PBX1: variants seen among roughly 807,000 people sequenced by gnomAD.
PBX1 encodes PBX homeobox 1.
Under a neutral mutation model 53.4 loss-of-function variants are expected in PBX1, and 6 were observed. That is an observed-to-expected ratio of 0.11 (90% confidence interval 0.06 to 0.22). The LOEUF is 0.22. Among genes scored for constraint, PBX1 ranks in the 10% least tolerant of loss-of-function variants. The pLI, the probability that PBX1 is intolerant of heterozygous loss-of-function variation, is 1.00. For synonymous variants in PBX1, 204 were observed against 212.3 expected, an observed-to-expected ratio of 0.96 and a Z score of 0.34; for missense variants, 251 against 551.4, an observed-to-expected ratio of 0.46 and a Z score of 5.46.
intron 2 of PBX1, among the ~76,000 whole-genome samples, chr1:164,690,629 TA>T (rs34662653): frequency 0.03 from 4,376 of 145,786 alleles, 62 homozygotes; most frequent in Non-Finnish European, 0.037. Context: ...AAGCTTTTCT[TA>T]AAAAAAAAAA....
chr1:164,786,477 C>T (rs1668180061), intron 2 of PBX1, among the ~76,000 whole-genome samples: 1 of 152,106 alleles, frequency 6.6e-6, no homozygotes, highest in Non-Finnish European at 1.5e-5. Flanking sequence ...AAGTGGATTT[C>T]TGTGGCTGAG....
chr1:164,808,924 T>A (rs1669477706), intron 5 of PBX1, among the ~76,000 whole-genome samples: 1 of 152,180 alleles, frequency 6.6e-6, no homozygotes, highest in South Asian at 2.1e-4. Context: ...GTCTTGACAG[T>A]TCTGGGAAAC....
chr1:164,832,114 C>T (rs1448018718), intron 8 of PBX1, among the ~76,000 whole-genome samples: 2 of 152,078 alleles, frequency 1.3e-5, no homozygotes, highest in South Asian at 4.1e-4. Flanking sequence ...TGCCTTTTGC[C>T]GTTTCTCCCC....
rs1652854248 is a variant in PBX1 at position 164,559,481 on chromosome 1, G to A, written c.-342G>A. The A allele has an allele frequency of 3.5e-6, 1 of 284,704 alleles. No individual in the cohort carries two copies. Among genetic ancestry groups the A allele is most frequent in the Non-Finnish European group, 6.5e-6 (1 of 153,898 alleles). The allele number at this position is 284,704 out of a possible 1,614,324, so 17.6% of individuals were successfully genotyped here. A position where few individuals can be genotyped will look rare whatever the true frequency, so the allele number is the denominator to read the frequency against. ...CATTTCTGCCTTGCAAAGGAGACCG[G>A]ACTGAAAAACCTAAAGCCAGCTCTG... On this transcript the variant is annotated 5_prime_UTR_variant, in exon 1 of 9. Coordinates refer to ENST00000420696, the MANE Select transcript of PBX1 (RefSeq NM_002585.4).
rs577739941 is a variant in PBX1, at chr1:164,657,929, C to G, written c.265+94618C>G. On this transcript the variant is annotated intron_variant, in intron 2 of 8. Coordinates refer to ENST00000420696, the MANE Select transcript of PBX1 (RefSeq NM_002585.4). ...TTCTGGTGCCTTTGCCACTCCATGT[C>G]TTGCCATCTTATCATCATAGTAGCT... is the stretch of plus-strand genomic sequence containing the variant. Among the ~76,000 whole-genome samples, 13 of 152,270 alleles carry G rather than the reference C, an allele frequency of 8.5e-5. No individual in the cohort carries two copies. The South Asian group carries it at 2.1e-3, about 24-fold the overall frequency.
chr1:164,777,455 AG>A lies in PBX1; in HGVS notation c.266-15036del, dbSNP rs1667727872. ...AACAACAAAATCTCAGGAGGTTTTA[AG>A]GGTCGAGAGATGAACAGCAAGGCTG... On this transcript the variant is annotated intron_variant, in intron 2 of 8. Coordinates refer to ENST00000420696, the MANE Select transcript of PBX1 (RefSeq NM_002585.4). 2.0e-5 allele frequency among the ~76,000 whole-genome samples: 3 copies of A among 152,310 alleles called. No individual in the cohort carries two copies. In the South Asian group the frequency reaches 6.2e-4, roughly 32 times the overall value.
At chr1:164,650,196 C>T (rs1186426593) in intron 2 of PBX1, among the ~76,000 whole-genome samples, 1 of 151,108 alleles carries the variant, frequency 6.6e-6, no homozygotes, top group Non-Finnish European at 1.5e-5. Flanking sequence ...GACTCTTAGG[C>T]ATCTGGTGTA....
In PBX1 at chr1:164,698,123, G is replaced by A. The variant is rs139349339; in HGVS notation, c.266-94371G>A. On this transcript the variant is annotated intron_variant, in intron 2 of 8. Transcript: ENST00000420696. ...AAGTGCCTGTATCTCCCAGGGCACC[G>A]ATTGTTAAGAGGGTTGGGACCTCAG... 9.5e-4 allele frequency among the ~76,000 whole-genome samples: 144 copies of A among 152,216 alleles called. 4 individuals carry two copies. The East Asian group carries it at 0.024, about 26-fold the overall frequency.
At chr1:164,687,971 T>C (rs1308294494) in intron 2 of PBX1, among the ~76,000 whole-genome samples, 1 of 152,136 alleles carries the variant, frequency 6.6e-6, no homozygotes, top group Non-Finnish European at 1.5e-5. Context: ...TATTTGAGAC[T>C]CTGTTATGAT....
intron 2 of PBX1, chr1:164,682,030 G>A (rs1374503673): frequency 1.3e-5 from 2 of 152,168 alleles, no homozygotes; most frequent in African/African-American, 4.8e-5. Context: ...TTTCTGTAGT[G>A]TATGCTGTAA....
chr1:164,723,063 G>C (rs1664495623), intron 2 of PBX1, among the ~76,000 whole-genome samples: 1 of 152,138 alleles, frequency 6.6e-6, no homozygotes, highest in Non-Finnish European at 1.5e-5. Context: ...GGAGCTCAAT[G>C]CTCTCATTTT....
At chr1:164,776,311 G>A (rs763671957) in intron 2 of PBX1, among the ~76,000 whole-genome samples, 4 of 152,112 alleles carry the variant, frequency 2.6e-5, no homozygotes, top group African/African-American at 9.7e-5. Context: ...GTGTTCCTTA[G>A]GTGTAAAGGG....
Position 164,850,986 on chromosome 1 carries a change from T to G in PBX1, c.*4310T>G, listed in dbSNP as rs1671810043. 4.5e-6 allele frequency: 1 copy of G among 219,940 alleles called. No homozygotes were observed. Among genetic ancestry groups the G allele is most frequent in the Non-Finnish European group, 9.1e-6 (1 of 109,622 alleles). The allele number at this position is 219,940 out of a possible 1,614,324, so 13.6% of individuals were successfully genotyped here. A position where few individuals can be genotyped will look rare whatever the true frequency, so the allele number is the denominator to read the frequency against. Reference sequence around the variant, plus strand: ...TGCTGGTATGATGGGCACCATTGGTTAAGTAAACTACATGCAGGAAGAAGT... The same window carrying G: ...TGCTGGTATGATGGGCACCATTGGTGAAGTAAACTACATGCAGGAAGAAGT... On this transcript the variant is annotated 3_prime_UTR_variant, in exon 9 of 9. Transcript: ENST00000420696.
At chr1:164,739,045 A>G (rs1194475936) in intron 2 of PBX1, among the ~76,000 whole-genome samples, 1 of 152,158 alleles carries the variant, frequency 6.6e-6, no homozygotes, top group African/African-American at 2.4e-5. Context: ...TATAGGTTCA[A>G]AATTGGGGAA....
intron 2 of PBX1, among the ~76,000 whole-genome samples, chr1:164,877,357 T>C (rs537372007): frequency 2.2e-4 from 33 of 152,286 alleles, no homozygotes; most frequent in African/African-American, 7.9e-4. Context: ...TGTGCCAGAT[T>C]TTGAGGGTAT....
chr1:164,846,704 C>T lies in PBX1; in HGVS notation c.*28C>T, dbSNP rs894882134. 6.2e-7 allele frequency: 1 copy of T among 1,614,008 alleles called. No homozygotes were observed. On this transcript the variant is annotated 3_prime_UTR_variant, in exon 9 of 9. Coordinates refer to ENST00000420696, the MANE Select transcript of PBX1 (RefSeq NM_002585.4). ...TCCCAGCAATCGCATCCCGGCTGAC[C>T]CTGTGCCCCAGTTGGGGCAGGGGCA...
chr1:164,873,732 A>G (rs1180677596), intron 2 of PBX1, among the ~76,000 whole-genome samples: 3 of 152,232 alleles, frequency 2.0e-5, no homozygotes, highest in Admixed American at 6.5e-5. Flanking sequence ...AGTTAATTAT[A>G]GATCAATCTG....
intron 2 of PBX1, among the ~76,000 whole-genome samples, chr1:164,626,652 G>GT (rs1658065769): frequency 6.6e-6 from 1 of 152,182 alleles, no homozygotes; most frequent in African/African-American, 2.4e-5. Context: ...GGCAACTGCT[G>GT]TTTTCCCGTC....
intron 2 of PBX1, among the ~76,000 whole-genome samples, chr1:164,790,620 C>T (rs1668451133): frequency 6.6e-6 from 1 of 152,152 alleles, no homozygotes; most frequent in South Asian, 2.1e-4. Flanking sequence ...CCTCTTTGCT[C>T]TTTATGGCCA....
Sources: gnomAD v4.1 joint callset for allele counts (sites outside exome capture counted in the v4.1 genomes callset) on GRCh38, gnomAD v4.1.1 for gene constraint, MANE v1.5 for transcripts, NCBI Gene and HGNC (gene_info 2026-07-23, HGNC 2026-07-21) for gene names.